HIVEP3: variants seen among roughly 807,000 people sequenced by gnomAD.
HIVEP3 encodes transcription factor HIVEP3.
In HIVEP3, 49 loss-of-function variants were observed where a neutral mutation model predicts 152.8. The ratio of observed to expected loss-of-function variants is 0.32; its 90% CI spans 0.26 to 0.41. The LOEUF (loss-of-function observed/expected upper bound fraction) is 0.41. Among genes scored for constraint, HIVEP3 ranks in the 10% least tolerant of loss-of-function variants. The pLI is 1.00. For synonymous variants in HIVEP3, 1,269 were observed against 1,289.0 expected (o/e 0.98, Z 0.33); for missense variants, 2,790 against 3,103.3 (o/e 0.90, Z 2.40).
intron 1 of HIVEP3, among the ~76,000 whole-genome samples, chr1:41,816,556 G>A (rs541864114): frequency 1.4e-4 from 22 of 152,192 alleles, no homozygotes; most frequent in Admixed American, 2.6e-4. Context: ...GCATGGTGGC[G>A]TAATCCCAGC....
intron 5 of HIVEP3, among the ~76,000 whole-genome samples, chr1:41,563,919 AAAT>A (rs1644122213): frequency 6.6e-6 from 1 of 152,228 alleles, no homozygotes; most frequent in South Asian, 2.1e-4. Flanking sequence ...TGAAAACTGA[AAAT>A]GTGACAGTAG....
intron 5 of HIVEP3, among the ~76,000 whole-genome samples, chr1:41,528,202 T>C: frequency 2.6e-5 from 2 of 76,686 alleles, no homozygotes; most frequent in Admixed American, 1.4e-4. Context: ...CACACACCCC[T>C]GCCCTCACAC....
intron 1 of HIVEP3, among the ~76,000 whole-genome samples, chr1:42,016,135 A>G (rs140693629): frequency 2.6e-5 from 4 of 152,344 alleles, no homozygotes; most frequent in African/African-American, 4.8e-5. Context: ...TAAAAAGACT[A>G]TATTTGTATA....
intron 3 of HIVEP3, among the ~76,000 whole-genome samples, chr1:41,603,606 C>G (rs1644777013): frequency 6.6e-6 from 1 of 152,178 alleles, no homozygotes; most frequent in Non-Finnish European, 1.5e-5. Flanking sequence ...GTGATCCATC[C>G]ACCTTGGCCT....
rs115709452 is a variant in HIVEP3, at chr1:41,511,273, T to A, written c.6406-7A>T. 358 of 1,587,672 alleles carry A rather than the reference T, an allele frequency of 2.3e-4. 1 individual carries two copies. The African/African-American group carries it at 3.6e-3, about 16-fold the overall frequency. On this transcript the variant is annotated splice_polypyrimidine_tract_variant and splice_region_variant and intron_variant, in intron 8 of 8. Coordinates refer to ENST00000372583, the MANE Select transcript of HIVEP3 (RefSeq NM_024503.5). The surrounding 1 kb of genome is among the most constrained non-coding windows in gnomAD (Gnocchi z 4.9). ...TTCGGGACTCGGCCTTCTGCTGGGGTCAGAAAACAAGACAAGGTAAGGTGA... is the reference window on the plus strand; with the variant it reads ...TTCGGGACTCGGCCTTCTGCTGGGGACAGAAAACAAGACAAGGTAAGGTGA...
At chr1:41,554,885 C>A (rs12034098) in intron 5 of HIVEP3, among the ~76,000 whole-genome samples, 33 of 152,246 alleles carry the variant, frequency 2.2e-4, no homozygotes, top group Middle Eastern at 3.4e-3. Context: ...GAGGGACACC[C>A]GCCTGTATGA....
intron 5 of HIVEP3, among the ~76,000 whole-genome samples, chr1:41,544,856 C>A: frequency 1.1e-5 from 1 of 93,428 alleles, no homozygotes; most frequent in African/African-American, 4.5e-5. Flanking sequence ...CCACCACCAC[C>A]ACCACCACCA....
chr1:41,769,386 G>A (rs1426973949), intron 1 of HIVEP3, among the ~76,000 whole-genome samples: 1 of 152,184 alleles, frequency 6.6e-6, no homozygotes, highest in Non-Finnish European at 1.5e-5. Context: ...CCCACTAAAT[G>A]TGTCCAGAAG....
intron 1 of HIVEP3, among the ~76,000 whole-genome samples, chr1:41,750,172 A>C (rs1647137344): frequency 2.6e-5 from 4 of 152,156 alleles, no homozygotes; most frequent in Admixed American, 1.3e-4. Flanking sequence ...TCTTCTACAA[A>C]CTGCACACAC....
chr1:41,510,711 C>A lies in HIVEP3; in HGVS notation c.6961G>T (p.Gly2321Ter), dbSNP rs1248485803. ...PPDTLPRPPQ[G>*]RRAAQSWSPR... ...CTCCAGGACTGCGCTGCCCGGCGTC[C>A]CTGGGGCGGCCGGGGCAAGGTGTCG... The change falls in exon 9 of 9, where the codon GGA (glycine) becomes TGA (stop). Residue 2321 changes from glycine to a stop codon, truncating the protein, a stop_gained. Transcript: ENST00000372583. LOFTEE classifies it low-confidence loss of function (END_TRUNC). 3.9e-6 allele frequency: 6 copies of A among 1,531,324 alleles called. No individual in the cohort carries two copies. In the Middle Eastern group the frequency reaches 9.2e-4, roughly 234 times the overall value. 94.9% of individuals were successfully genotyped at this position (1,531,324 alleles called of 1,614,324 possible).
chr1:41,583,768 G>C lies in HIVEP3; in HGVS notation c.1030C>G (p.Pro344Ala). The part of the protein sequence containing the change: ...SLEDPPPFVE[P>A]SSEHPLSHKP... ...TGGCTCAGGGGGTGCTCAGATGAGG[G>C]TTCCACAAATGGAGGGGGGTCTTCG... The change falls in exon 4 of 9, where the codon CCC becomes GCC. Residue 344 changes from proline to alanine, a missense_variant. Transcript: ENST00000372583. This position sits in a 1 kb window ranked among gnomAD's most constrained non-coding sequence, Gnocchi z 6.9. 1 of 1,592,448 alleles carries C rather than the reference G, an allele frequency of 6.3e-7. No homozygotes were observed. Among genetic ancestry groups the C allele is most frequent in the Non-Finnish European group, 8.6e-7 (1 of 1,168,962 alleles).
chr1:41,670,445 AAC>A (rs541887549), intron 2 of HIVEP3, among the ~76,000 whole-genome samples: 38 of 152,284 alleles, frequency 2.5e-4, no homozygotes, highest in Admixed American at 1.8e-3. Flanking sequence ...TGCACTCTGT[AAC>A]ACATGTTCAG....
intron 1 of HIVEP3, among the ~76,000 whole-genome samples, chr1:41,976,092 G>A (rs150759176): frequency 1.1e-3 from 171 of 151,904 alleles, no homozygotes; most frequent in Middle Eastern, 3.4e-3. Flanking sequence ...CCACGCTTAC[G>A]TCTACATCTG....
At chr1:41,769,045 G>A (rs1046775655) in intron 1 of HIVEP3, among the ~76,000 whole-genome samples, 9 of 152,242 alleles carry the variant, frequency 5.9e-5, no homozygotes, top group African/African-American at 2.2e-4. Flanking sequence ...GTGTTGCAAT[G>A]CAAGCGCTTT....
rs1644472316 is a variant in HIVEP3 at position 41,584,466 on chromosome 1, T to C, written c.332A>G (p.Glu111Gly). 6.2e-7 allele frequency: 1 copy of C among 1,613,906 alleles called. No homozygotes were observed. Residue 111 changes from glutamate to glycine, a missense_variant, in exon 4 of 9, where the codon GAG (glutamate) becomes GGG (glycine). Physicochemically the swap from Glu to Gly is moderately conservative, Grantham distance 98 (BLOSUM62 -2). Transcript: ENST00000372583. The surrounding 1 kb of genome is among the most constrained non-coding windows in gnomAD (Gnocchi z 5.2). ...CCATGTGGACCCCTCCAGGAGATGC[T>C]CAGGTTTGCCAGGCGACATGAATGC... Reference protein sequence around the residue: ...TPAFMSPGKPEHLLEGSTWQL... With the variant: ...TPAFMSPGKPGHLLEGSTWQL...
chr1:41,657,253 G>A (rs1271932684), intron 2 of HIVEP3, among the ~76,000 whole-genome samples: 4 of 152,214 alleles, frequency 2.6e-5, no homozygotes, highest in African/African-American at 9.6e-5. Flanking sequence ...AAGAGACCAG[G>A]CTGATGCAGG....
intron 1 of HIVEP3, among the ~76,000 whole-genome samples, chr1:41,930,165 G>T (rs1162060162): frequency 6.6e-6 from 1 of 151,986 alleles, no homozygotes; most frequent in Non-Finnish European, 1.5e-5. Context: ...TTCTTAATTT[G>T]CACACGGCAA....
At chr1:41,644,595 G>A (rs2149158778) in intron 2 of HIVEP3, among the ~76,000 whole-genome samples, 1 of 151,504 alleles carries the variant, frequency 6.6e-6, no homozygotes, top group Admixed American at 6.6e-5. Context: ...CAGAATATAA[G>A]TCAGATCCCC....
chr1:41,955,315 G>A (rs1645134576), intron 1 of HIVEP3, among the ~76,000 whole-genome samples: 1 of 152,172 alleles, frequency 6.6e-6, no homozygotes, highest in Admixed American at 6.5e-5. Flanking sequence ...ATTAAGAAGT[G>A]TCTCTGTGGG....
Sources: allele counts gnomAD v4.1 joint callset (sites outside exome capture counted in the v4.1 genomes callset), GRCh38; gene constraint gnomAD v4.1.1; non-coding constraint Gnocchi (gnomAD v3.1); transcripts MANE v1.5; gene names NCBI Gene and HGNC (gene_info 2026-07-23, HGNC 2026-07-21).